The following FAM153A variants were observed in gnomAD, a reference collection of about 807,000 sequenced individuals.
FAM153A encodes protein FAM153A.
Under a neutral mutation model 48.1 loss-of-function variants are expected in FAM153A, and 12 were observed. That is an observed-to-expected ratio of 0.25 (90% CI 0.16 to 0.40). The LOEUF (loss-of-function observed/expected upper bound fraction) is 0.40, where lower values mean the gene tolerates loss of function less well. Ranked by LOEUF, FAM153A falls within the 10% of genes least tolerant of loss-of-function variation. The probability of loss-of-function intolerance (pLI) is 1.00; values close to 1 mark genes in which losing one functional copy is unlikely to be tolerated. For synonymous variants in FAM153A, 36 were observed against 118.2 expected (o/e 0.30, Z 4.51); for missense variants, 111 against 345.8 (o/e 0.32, Z 5.38).
rs1763856340 is a variant in FAM153A at position 177,731,496 on chromosome 5, C to G, written c.862+73G>C. The G allele has an allele frequency of 1.3e-5, 7 of 540,900 alleles. 2 individuals carry two copies. In the South Asian group the frequency reaches 1.8e-4, roughly 14 times the overall value. The allele number at this position is 540,900 out of a possible 1,614,324, so 33.5% of individuals were successfully genotyped here. ...AACCAGAGTGGCCCTTGAGCAAAAG[C>G]AGGTGAAGCAGCGCCACCTTTACAA... On this transcript the variant is annotated intron_variant, in intron 16 of 20. Coordinates refer to ENST00000614127, the Ensembl canonical transcript of FAM153A.
chr5:177,776,597 A>T (rs1769333048), intron 1 of FAM153A, among the ~76,000 whole-genome samples: 1 of 81,918 alleles, frequency 1.2e-5, no homozygotes, highest in Non-Finnish European at 2.4e-5. Flanking sequence ...CCACTGCTCA[A>T]GGAAATAAAA....
the FAM153A span, among the ~76,000 whole-genome samples, chr5:177,702,310 T>C: frequency 6.6e-6 from 1 of 151,908 alleles, no homozygotes; most frequent in South Asian, 2.1e-4. Context: ...AGTGATGATT[T>C]AGGCTATCTG....
At chr5:177,705,070 G>A (rs1338138245), downstream of FAM153A, among the ~76,000 whole-genome samples, 1 of 150,570 alleles carries the variant, frequency 6.6e-6, no homozygotes, top group Non-Finnish European at 1.5e-5. Context: ...CTGGGAGGCC[G>A]AGGTGGGTGG....
chr5:177,738,490 T>G (rs1765042224), intron 10 of FAM153A, among the ~76,000 whole-genome samples: 2 of 151,446 alleles, frequency 1.3e-5, no homozygotes. Context: ...AACTTCCATA[T>G]GCACACATAG....
chr5:177,772,308 C>T (rs1769149391), intron 1 of FAM153A, among the ~76,000 whole-genome samples: 1 of 87,370 alleles, frequency 1.1e-5, no homozygotes, highest in Non-Finnish European at 2.3e-5. Flanking sequence ...GCGTGAGCGA[C>T]GCAGAAGACG....
At chr5:177,694,872 T>G in the FAM153A span, among the ~76,000 whole-genome samples, 1 of 150,956 alleles carries the variant, frequency 6.6e-6, no homozygotes, top group East Asian at 1.9e-4. Context: ...TAATTAGGAC[T>G]CCACATAATC....
At chr5:177,781,391 G>C (rs1450942581), upstream of FAM153A, among the ~76,000 whole-genome samples, 1 of 142,702 alleles carries the variant, frequency 7.0e-6, no homozygotes, top group Non-Finnish European at 1.5e-5. Context: ...AAAGTGCTGG[G>C]ATTACAGGCC....
the FAM153A span, among the ~76,000 whole-genome samples, chr5:177,699,285 GA>G: frequency 6.6e-6 from 1 of 151,050 alleles, no homozygotes; most frequent in Non-Finnish European, 1.5e-5. Flanking sequence ...TAAGAAACTG[GA>G]AAAGAAGATC....
downstream of FAM153A, chr5:177,706,855 AGAT>A (rs1344282949): frequency 1.3e-5 from 2 of 151,996 alleles, no homozygotes; most frequent in African/African-American, 2.4e-5. Flanking sequence ...GATTCAATGA[AGAT>A]GATAAGAAAT....
At chr5:177,726,367 A>C (rs4046413) in intron 18 of FAM153A, among the ~76,000 whole-genome samples, 60 of 149,128 alleles carry the variant, frequency 4.0e-4, no homozygotes, top group African/African-American at 1.2e-3. Flanking sequence ...AAAATGTAAT[A>C]TTTAAACACC....
the FAM153A span, among the ~76,000 whole-genome samples, chr5:177,695,491 T>TCG: frequency 6.6e-6 from 1 of 152,222 alleles, no homozygotes; most frequent in Non-Finnish European, 1.5e-5. Flanking sequence ...CAGGCATCTG[T>TCG]TTAACAAAGC....
rs1239084953 is a variant in FAM153A, at chr5:177,766,161, G to A, written c.-57+14288C>T. 7.2e-4 allele frequency among the ~76,000 whole-genome samples: 66 copies of A among 92,166 alleles called. 21 individuals carry two copies. The highest frequency in any genetic ancestry group is 3.1e-4 in the Non-Finnish European group (14 of 44,820). 60.5% of individuals were successfully genotyped at this position (92,166 alleles called of 152,430 possible). A position where few individuals can be genotyped will look rare whatever the true frequency, so the allele number is the denominator to read the frequency against. ...AAACAAACAGAAAAACATGCCAATA[G>A]GATAAAAAAAAAAAAGAAAGACAAG... is the stretch of plus-strand genomic sequence containing the variant. On this transcript the variant is annotated intron_variant, in intron 1 of 8. Transcript: ENST00000393518.
At chr5:177,725,424 G>C (rs1300649555) in intron 18 of FAM153A, among the ~76,000 whole-genome samples, 125 of 147,082 alleles carry the variant, frequency 8.5e-4, no homozygotes, top group Admixed American at 2.4e-3. Context: ...TGACCTTAGA[G>C]ACTTGGAAAA....
downstream of FAM153A, among the ~76,000 whole-genome samples, chr5:177,708,614 A>T (rs200863895): frequency 5.7e-3 from 793 of 138,976 alleles, 8 homozygotes; most frequent in African/African-American, 0.015. Flanking sequence ...TTCACATATG[A>T]CAGGCATTAC....
the FAM153A span, among the ~76,000 whole-genome samples, chr5:177,696,389 A>G: frequency 6.6e-6 from 1 of 151,614 alleles, no homozygotes; most frequent in East Asian, 1.9e-4. Context: ...GGCTGGGCAG[A>G]GACGCTCCTC....
chr5:177,754,465 G>C (rs1163367154), upstream of FAM153A, among the ~76,000 whole-genome samples: 1 of 151,894 alleles, frequency 6.6e-6, no homozygotes, highest in Non-Finnish European at 1.5e-5. Flanking sequence ...AAATGTCCCT[G>C]TCTGACAGCT....
upstream of FAM153A, chr5:177,782,814 C>G (rs947889610): frequency 2.5e-5 from 2 of 80,842 alleles, no homozygotes; most frequent in Admixed American, 1.3e-4. Context: ...TGGCGGCCTC[C>G]GACCTCTCAG....
chr5:177,730,408 A>G (rs1283285391), intron 16 of FAM153A, among the ~76,000 whole-genome samples: 1 of 121,588 alleles, frequency 8.2e-6, no homozygotes, highest in African/African-American at 2.7e-5. Flanking sequence ...ATCTCCTTAA[A>G]TACAATAGAG....
At chr5:177,758,734 C>T (rs11949684) in intron 1 of FAM153A, among the ~76,000 whole-genome samples, 39,958 of 122,664 alleles carry the variant, frequency 0.33, 5,206 homozygotes, top group Middle Eastern at 0.43. Context: ...GAAAGGATTC[C>T]CTATATAATA....
Sources: gnomAD v4.1 joint callset for allele counts (sites outside exome capture counted in the v4.1 genomes callset) on GRCh38, gnomAD v4.1.1 for gene constraint, MANE v1.5 for transcripts, NCBI Gene and HGNC (gene_info 2026-07-23, HGNC 2026-07-21) for gene names.